Variants in RFX3 observed in about 807,000 individuals in gnomAD.
The protein encoded by RFX3 is regulatory factor X3.
RFX3 carries 14 observed loss-of-function variants against 98.6 expected under a neutral mutation model. The ratio of observed to expected loss-of-function variants is 0.14; its 90% CI spans 0.09 to 0.22. The LOEUF (loss-of-function observed/expected upper bound fraction) is 0.22. Ranked by LOEUF, RFX3 falls within the 10% of genes least tolerant of loss-of-function variation. The probability of loss-of-function intolerance (pLI) is 1.00; values close to 1 mark genes in which losing one functional copy is unlikely to be tolerated. For missense variants in RFX3, 639 were observed against 926.9 expected, an observed-to-expected ratio of 0.69 and a Z score of 4.03; for synonymous variants, 383 against 328.4, an observed-to-expected ratio of 1.17 and a Z score of -1.80.
At chr9:3,324,059 T>A (rs1022048074) in intron 4 of RFX3, 3 of 451,830 alleles carry the variant, frequency 6.6e-6, no homozygotes, top group African/African-American at 6.0e-5. Flanking sequence ...TTCATGGTAA[T>A]CTGTCTGAGG....
chr9:3,287,937 T>C (rs1826849356), intron 7 of RFX3, among the ~76,000 whole-genome samples, 194 bp downstream of exon 7: 1 of 152,024 alleles, frequency 6.6e-6, no homozygotes, highest in Admixed American at 6.6e-5. Context: ...GGCTGACTGA[T>C]AAGTACTTTT....
At chr9:3,320,969 T>C (rs907458254) in intron 4 of RFX3, among the ~76,000 whole-genome samples, 2 of 147,716 alleles carry the variant, frequency 1.4e-5, no homozygotes, top group African/African-American at 5.3e-5. Context: ...TGGCGTGATC[T>C]TGGCCCACTG....
intron 6 of RFX3, among the ~76,000 whole-genome samples, chr9:3,291,272 G>A (rs1235577850): frequency 6.6e-6 from 1 of 152,146 alleles, no homozygotes; most frequent in African/African-American, 2.4e-5. Context: ...TCGGGAGGCT[G>A]AGGCAGGAAG....
intron 1 of RFX3, among the ~76,000 whole-genome samples, chr9:3,490,082 T>C (rs146557261): frequency 1.4e-4 from 21 of 152,204 alleles, no homozygotes; most frequent in African/African-American, 5.1e-4. Flanking sequence ...TGAAAACATA[T>C]ATAGTAGTGA....
intron 2 of RFX3, among the ~76,000 whole-genome samples, chr9:3,389,012 G>A (rs560317946): frequency 1.4e-4 from 21 of 152,064 alleles, no homozygotes; most frequent in Admixed American, 7.9e-4. Context: ...TAAAAGGGAG[G>A]AAAAAAATCT....
chr9:3,429,091 C>G (rs199973532), intron 1 of RFX3, among the ~76,000 whole-genome samples: 280 of 148,952 alleles, frequency 1.9e-3, no homozygotes, highest in African/African-American at 6.6e-3. Flanking sequence ...GGCGCGATCT[C>G]GGCTCACTGC....
chr9:3,289,143 T>C (rs544747538), intron 6 of RFX3, among the ~76,000 whole-genome samples: 64 of 152,216 alleles, frequency 4.2e-4, no homozygotes, highest in African/African-American at 1.5e-3. Context: ...TAGCAATACA[T>C]CAGCACTTTT....
Position 3,248,937 on chromosome 9 carries a change from T to C in RFX3, c.1815-752A>G, listed in dbSNP as rs1053378623. On this transcript the variant is annotated intron_variant, in intron 14 of 16. Coordinates refer to ENST00000617270, the MANE Select transcript of RFX3 (RefSeq NM_001282116.2). ...CTATTATATTTAAAATGGAAATGAG[T>C]CCAAAATAAAATCTTGGCTTCAACA... 2.6e-5 allele frequency among the ~76,000 whole-genome samples: 4 copies of C among 152,098 alleles called. No homozygotes were observed. In the East Asian group the frequency reaches 7.7e-4, roughly 29 times the overall value.
intron 2 of RFX3, among the ~76,000 whole-genome samples, chr9:3,373,289 T>G (rs1057020073): frequency 6.6e-6 from 1 of 152,056 alleles, no homozygotes; most frequent in African/African-American, 2.4e-5. Flanking sequence ...TCAACGGAAG[T>G]CCATCTTTTG....
chr9:3,259,128 G>T (rs1822535452), intron 13 of RFX3, among the ~76,000 whole-genome samples: 1 of 151,796 alleles, frequency 6.6e-6, no homozygotes. Flanking sequence ...CAACATTTTA[G>T]TATTACAAAT....
At chr9:3,286,996 C>T (rs1311561108) in intron 7 of RFX3, among the ~76,000 whole-genome samples, 2 of 151,888 alleles carry the variant, frequency 1.3e-5, no homozygotes, top group Non-Finnish European at 2.9e-5. Context: ...TGTGATAGTT[C>T]CTTGATCAAA....
intron 12 of RFX3, among the ~76,000 whole-genome samples, chr9:3,263,917 C>T (rs747777031): frequency 1.4e-4 from 22 of 152,128 alleles, no homozygotes; most frequent in Admixed American, 7.2e-4. Flanking sequence ...CCTGTTAGAG[C>T]GGAACCTGCT....
At chr9:3,232,718 G>C (rs1296901174) in intron 15 of RFX3, among the ~76,000 whole-genome samples, 1 of 151,076 alleles carries the variant, frequency 6.6e-6, no homozygotes, top group East Asian at 2.0e-4. Flanking sequence ...ATGTCATGTA[G>C]TAAATATGGT....
chr9:3,505,240 TTATATA>T (rs1211501193), intron 1 of RFX3, among the ~76,000 whole-genome samples: 1 of 84,164 alleles, frequency 1.2e-5, no homozygotes, highest in African/African-American at 6.5e-5. Flanking sequence ...GAATATATAT[TTATATA>T]TATATGAATA....
rs1341358982 is a variant in RFX3, at chr9:3,222,210, A to G, written c.*2832T>C. On this transcript the variant is annotated 3_prime_UTR_variant, in exon 17 of 17. Coordinates refer to ENST00000617270, the MANE Select transcript of RFX3 (RefSeq NM_001282116.2). ...TGAACTACAAATAACTAGAAGTAGC[A>G]TAAACCATAGGTCTTCTTTTTATGT... The G allele has an allele frequency of 6.6e-6, 1 of 152,212 alleles. No homozygotes were observed. The allele number at this position is 152,212 out of a possible 1,614,324, so 9.4% of individuals were successfully genotyped here. A position where few individuals can be genotyped will look rare whatever the true frequency, so the allele number is the denominator to read the frequency against.
chr9:3,263,367 A>T (rs1823172628), intron 12 of RFX3, among the ~76,000 whole-genome samples: 1 of 152,218 alleles, frequency 6.6e-6, no homozygotes, highest in South Asian at 2.1e-4. Context: ...GTGACTACTC[A>T]TCCACAGTAA....
intron 1 of RFX3, among the ~76,000 whole-genome samples, chr9:3,405,819 T>C (rs925943136): frequency 1.4e-4 from 22 of 152,302 alleles, no homozygotes; most frequent in Non-Finnish European, 1.0e-4. Flanking sequence ...CAGGATAAAC[T>C]GCAAACCCTT....
chr9:3,253,090 T>G (rs535313978), intron 14 of RFX3, among the ~76,000 whole-genome samples: 31 of 152,230 alleles, frequency 2.0e-4, no homozygotes, highest in Non-Finnish European at 3.7e-4. Flanking sequence ...TCAACTCTTT[T>G]TAAGATCAGA....
At chr9:3,498,135 C>A (rs1371384280) in intron 1 of RFX3, among the ~76,000 whole-genome samples, 1 of 151,960 alleles carries the variant, frequency 6.6e-6, no homozygotes, top group Non-Finnish European at 1.5e-5. Flanking sequence ...ATCTCCTTTT[C>A]ACGTCTACAT....
Sources: gnomAD v4.1 joint callset for allele counts (sites outside exome capture counted in the v4.1 genomes callset) on GRCh38, gnomAD v4.1.1 for gene constraint, MANE v1.5 for transcripts, NCBI Gene and HGNC (gene_info 2026-07-23, HGNC 2026-07-21) for gene names.